FARP2: variants seen among roughly 807,000 people sequenced by gnomAD.
FARP2 encodes FERM, ARHGEF and pleckstrin domain-containing protein 2.
Under a neutral mutation model 130.5 loss-of-function variants are expected in FARP2, and 111 were observed. The observed-to-expected ratio is 0.85, with a 90% CI of 0.73 to 1.00. The LOEUF is 1.00. FARP2 is among the 50% of genes least tolerant of loss of function. FARP2 has a pLI of 0.00. For missense variants in FARP2, 1,385 were observed against 1,346.3 expected, an observed-to-expected ratio of 1.03 and a Z score of -0.45; for synonymous variants, 504 against 516.9, an observed-to-expected ratio of 0.98 and a Z score of 0.34.
In FARP2 at chr2:241,373,242, C is replaced by A; in HGVS notation, c.135C>A (p.His45Gln). The A allele has an allele frequency of 6.5e-7, 1 of 1,546,540 alleles. No individual in the cohort carries two copies. The highest frequency in any genetic ancestry group is 8.8e-7 in the Non-Finnish European group (1 of 1,139,860). Residue 45 changes from histidine to glutamine, a missense_variant, in exon 2 of 27, where the codon CAC becomes CAA. Coordinates refer to ENST00000264042, the MANE Select transcript of FARP2 (RefSeq NM_014808.4). ...CCAGAATGCAAGAGAAGCACCTGCA[C>A]CTCAGAGTAAAGCTGCTGGACAACA... is the stretch of plus-strand genomic sequence containing the variant. The part of the protein sequence containing the change: ...LLPRMQEKHL[H>Q]LRVKLLDNTM...
intron 13 of FARP2, among the ~76,000 whole-genome samples, chr2:241,454,298 T>C (rs2063774920): frequency 6.6e-6 from 1 of 152,082 alleles, no homozygotes; most frequent in African/African-American, 2.4e-5. Flanking sequence ...CTTCTCTGAG[T>C]GAGGTGCTGT....
At chr2:241,486,417 G>A (rs1380780160) in intron 21 of FARP2, among the ~76,000 whole-genome samples, 9 of 120,170 alleles carry the variant, frequency 7.5e-5, no homozygotes, top group Non-Finnish European at 1.4e-4. Flanking sequence ...AGCCGTGATC[G>A]TACCACTGCA....
chr2:241,465,022 A>G (rs34123564), intron 17 of FARP2, among the ~76,000 whole-genome samples: 16,489 of 152,144 alleles, frequency 0.11, 989 homozygotes, highest in Middle Eastern at 0.14. Context: ...TCTCCCTCCA[A>G]TCAGAACTAC....
At chr2:241,488,105 G>A (rs2064802473) in intron 21 of FARP2, 1 of 152,106 alleles carries the variant, frequency 6.6e-6, no homozygotes, top group African/African-American at 2.4e-5. Flanking sequence ...CTAATATGAA[G>A]CCTATTTTAT....
Position 241,416,326 on chromosome 2 carries a change from C to T in FARP2, c.624-1636C>T, listed in dbSNP as rs1213326538. The stretch of plus-strand genomic sequence containing the variant: ...TGCTTCATACGGGAATACAGTTGAA[C>T]TCTTGCCGAATAAGCCCGGAAGCAG... On this transcript the variant is annotated intron_variant, in intron 7 of 26. Transcript: ENST00000264042. Among the ~76,000 whole-genome samples, 3 of 152,104 alleles carry T rather than the reference C, an allele frequency of 2.0e-5. No homozygotes were observed. In the South Asian group the frequency reaches 6.2e-4, roughly 31 times the overall value.
At chr2:241,491,464 C>T (rs1157550584) in intron 23 of FARP2, 52 bp from the exon 24 acceptor site, 3 of 1,599,194 alleles carry the variant, frequency 1.9e-6, no homozygotes, top group African/African-American at 2.7e-5. Flanking sequence ...AAGTATTTGG[C>T]AAGCAGAGGC....
intron 21 of FARP2, among the ~76,000 whole-genome samples, chr2:241,487,939 G>A (rs866929158): frequency 1.1e-4 from 17 of 151,632 alleles, no homozygotes; most frequent in Middle Eastern, 3.4e-3. Context: ...TAGTAGAGAC[G>A]GGGTTTCACC....
Position 241,494,242 on chromosome 2 carries a change from T to G in FARP2, c.*117T>G. The G allele has an allele frequency of 3.7e-6, 2 of 546,620 alleles. No homozygotes were observed. The highest frequency in any genetic ancestry group is 6.1e-6 in the Non-Finnish European group (2 of 328,756). 33.9% of individuals were successfully genotyped at this position (546,620 alleles called of 1,614,324 possible). A position where few individuals can be genotyped will look rare whatever the true frequency, so the allele number is the denominator to read the frequency against. ...GGCTGTGGTCTCACTGGATCCCCAC[T>G]GGCACCAGCAGTGTGGGTGGGCCTC... is the stretch of plus-strand genomic sequence containing the variant. On this transcript the variant is annotated 3_prime_UTR_variant, in exon 27 of 27. Coordinates refer to ENST00000264042, the MANE Select transcript of FARP2 (RefSeq NM_014808.4). The surrounding 1 kb of genome is among the most constrained non-coding windows in gnomAD (Gnocchi z 4.9).
At chr2:241,440,928 A>G (rs2063365989) in intron 12 of FARP2, among the ~76,000 whole-genome samples, 1 of 152,134 alleles carries the variant, frequency 6.6e-6, no homozygotes, top group Non-Finnish European at 1.5e-5. Flanking sequence ...AGATGGGTGG[A>G]TCACTTGAGG....
At chr2:241,380,306 A>C (rs1276542589) in intron 2 of FARP2, among the ~76,000 whole-genome samples, 4 of 152,198 alleles carry the variant, frequency 2.6e-5, no homozygotes, top group African/African-American at 9.7e-5. Flanking sequence ...TGTTGATCAC[A>C]TATCAGGTGA....
At chr2:241,426,157 C>T (rs1658337402) in intron 8 of FARP2, among the ~76,000 whole-genome samples, 2 of 152,132 alleles carry the variant, frequency 1.3e-5, no homozygotes, top group Admixed American at 6.6e-5. Context: ...ACAGGTTCTG[C>T]CTGCCAAGAG....
At chr2:241,453,316 A>T (rs2063721030) in intron 13 of FARP2, among the ~76,000 whole-genome samples, 2 of 135,098 alleles carry the variant, frequency 1.5e-5, no homozygotes, top group Non-Finnish European at 3.1e-5. Context: ...GGCGACAGAG[A>T]CTTTGTCTCA....
chr2:241,425,045 A>G (rs2062897345), intron 8 of FARP2, among the ~76,000 whole-genome samples: 1 of 152,130 alleles, frequency 6.6e-6, no homozygotes. Flanking sequence ...CCCTGTCTCT[A>G]CTAATATAAT....
intron 12 of FARP2, among the ~76,000 whole-genome samples, chr2:241,438,734 A>G (rs2063308910): frequency 6.8e-6 from 1 of 146,646 alleles, no homozygotes. Flanking sequence ...GGTTCACGCC[A>G]TTCTCCTGCC....
intron 13 of FARP2, among the ~76,000 whole-genome samples, chr2:241,448,347 A>G (rs961865036): frequency 3.3e-5 from 5 of 152,264 alleles, no homozygotes; most frequent in Non-Finnish European, 5.9e-5. Context: ...TATGAGGTCT[A>G]TAAGTTGACT....
At chr2:241,478,683 C>T in intron 19 of FARP2, 1 of 480,972 alleles carries the variant, frequency 2.1e-6, no homozygotes, top group South Asian at 1.6e-5. Context: ...TACAGTATCA[C>T]TTCATTAATA....
intron 21 of FARP2, among the ~76,000 whole-genome samples, chr2:241,486,461 CAAAAAAAAA>C (rs56961097): frequency 2.0e-5 from 1 of 50,018 alleles, no homozygotes; most frequent in Non-Finnish European, 3.3e-5. Flanking sequence ...GACCTCGTCT[CAAAAAAAAA>C]AAAAAAAAAA....
Position 241,468,222 on chromosome 2 carries a change from C to G in FARP2, c.1976C>G (p.Ala659Gly). 5.6e-6 allele frequency: 9 copies of G among 1,614,100 alleles called. No homozygotes were observed. Among genetic ancestry groups the G allele is most frequent in the Non-Finnish European group, 7.6e-6 (9 of 1,179,964 alleles). The change falls in exon 18 of 27, where the codon GCA (alanine) becomes GGA (glycine). Residue 659 changes from alanine (A) to glycine (G), a missense_variant. Coordinates refer to ENST00000264042, the MANE Select transcript of FARP2 (RefSeq NM_014808.4). ...KATKRCKKLE[A>G]VYKEFELQKV... ...ACCAAACGCTGTAAGAAGTTGGAGG[C>G]AGTGTACAAGGAGTTTGAGCTGCAG... is the stretch of plus-strand genomic sequence containing the variant.
intron 17 of FARP2, among the ~76,000 whole-genome samples, chr2:241,464,791 C>CT (rs751866662): frequency 3.9e-5 from 6 of 152,040 alleles, no homozygotes; most frequent in African/African-American, 1.4e-4. Flanking sequence ...CCTCAGAACT[C>CT]TATCTTCCTC....
Sources: allele counts gnomAD v4.1 joint callset (sites outside exome capture counted in the v4.1 genomes callset), GRCh38; gene constraint gnomAD v4.1.1; non-coding constraint Gnocchi (gnomAD v3.1); transcripts MANE v1.5; gene names NCBI Gene and HGNC (gene_info 2026-07-23, HGNC 2026-07-21).